Variants in SEZ6 observed in about 807,000 individuals in gnomAD.
SEZ6 encodes the protein seizure protein 6 homolog.
In SEZ6, 53 loss-of-function variants were observed where a neutral mutation model predicts 101.0. The observed-to-expected ratio is 0.52, with a 90% CI of 0.42 to 0.66. The LOEUF is 0.66. SEZ6 is among the 30% of genes least tolerant of loss of function. The pLI is 0.00. For synonymous variants in SEZ6, 488 were observed against 512.2 expected (o/e 0.95, Z 0.64); for missense variants, 1,102 against 1,289.4 (o/e 0.85, Z 2.23).
At chr17:28,956,782 G>A (rs2040885988) in intron 13 of SEZ6, 25 bp from the exon 14 acceptor site, 1 of 1,558,600 alleles carries the variant, frequency 6.4e-7, no homozygotes, top group African/African-American at 1.4e-5. Flanking sequence ...GAGGGCCAAG[G>A]GCAGTGAGTG....
Position 28,957,391 on chromosome 17 carries a change from C to G in SEZ6, c.2451G>C (p.Gln817His). Reference protein sequence around the residue: ...GSSILTCHDRQAGSPKWSDRA... With the variant: ...GSSILTCHDRHAGSPKWSDRA... ...GGTCACTCCACTTGGGGCTGCCAGC[C>G]TGGCGATCATGGCAGGTGAGGATGG... Residue 817 changes from glutamine to histidine, a missense_variant, in exon 12 of 17, where the codon CAG becomes CAC. Gln to His is a conservative substitution (Grantham distance 24). Transcript: ENST00000317338. 1.2e-6 allele frequency: 2 copies of G among 1,613,750 alleles called. No individual in the cohort carries two copies. The highest frequency in any genetic ancestry group is 1.7e-6 in the Non-Finnish European group (2 of 1,179,718).
chr17:28,995,833 T>C (rs1431184907), intron 1 of SEZ6, among the ~76,000 whole-genome samples: 1 of 151,826 alleles, frequency 6.6e-6, no homozygotes, highest in African/African-American at 2.4e-5. Context: ...TTTGGCAGAG[T>C]TGAGCTGTAG....
chr17:28,957,314 T>G lies in SEZ6; in HGVS notation c.2494+34A>C, dbSNP rs1232044241. 4 of 1,610,730 alleles carry G rather than the reference T, an allele frequency of 2.5e-6. No individual in the cohort carries two copies. In the Admixed American group the frequency reaches 6.7e-5, roughly 27 times the overall value. On this transcript the variant is annotated intron_variant, in intron 12 of 16. Coordinates refer to ENST00000317338, the MANE Select transcript of SEZ6 (RefSeq NM_178860.5). ...CAGGGCAGCATCTTTTATCTCCAGCTAGAGGTTTTCCCTCCTACTCAATTG... is the reference window on the plus strand; with the variant it reads ...CAGGGCAGCATCTTTTATCTCCAGCGAGAGGTTTTCCCTCCTACTCAATTG...
At chr17:28,967,790 G>C (rs1311575275) in intron 4 of SEZ6, among the ~76,000 whole-genome samples, 1 of 152,126 alleles carries the variant, frequency 6.6e-6, no homozygotes, top group South Asian at 2.1e-4. Context: ...AGGAGGCTGG[G>C]GGCAGACAAT....
At chr17:28,985,140 C>T (rs1457478081) in intron 1 of SEZ6, among the ~76,000 whole-genome samples, 1 of 152,224 alleles carries the variant, frequency 6.6e-6, no homozygotes, top group East Asian at 1.9e-4. Context: ...TAGGTCTTTC[C>T]ACATACCCAC....
intron 3 of SEZ6, among the ~76,000 whole-genome samples, chr17:28,971,273 C>T (rs1009787601): frequency 6.6e-6 from 1 of 152,162 alleles, no homozygotes; most frequent in Non-Finnish European, 1.5e-5. Flanking sequence ...CCAGCATCAG[C>T]AGCCTCACCT....
At position 28,981,646 on chromosome 17, in the gene SEZ6, C is replaced by T. The variant is rs376504969; in HGVS notation, c.449G>A (p.Arg150Gln). 2.6e-5 allele frequency: 41 copies of T among 1,579,166 alleles called. No individual in the cohort carries two copies. Among genetic ancestry groups the T allele is most frequent in the Non-Finnish European group, 3.4e-5 (39 of 1,158,664 alleles). The change falls in exon 2 of 17, where the codon CGA (arginine) becomes CAA (glutamine). Residue 150 changes from arginine (R) to glutamine (Q), a missense_variant. Physicochemically the swap from Arg to Gln is conservative, Grantham distance 43. Transcript: ENST00000317338. ...WSPESESPMLRITAPLPPGPS... is the reference protein window; with the variant it reads ...WSPESESPMLQITAPLPPGPS... The stretch of plus-strand genomic sequence containing the variant: ...CCCTGGAGGTAGGGGAGCTGTGATT[C>T]GAAGCATAGGGGACTCTGACTCCGG...
At position 28,959,832 on chromosome 17, in the gene SEZ6, G is replaced by A. The variant is rs1322916830; in HGVS notation, c.1637C>T (p.Thr546Ile). The A allele has an allele frequency of 3.7e-6, 6 of 1,613,716 alleles. No individual in the cohort carries two copies. The highest frequency in any genetic ancestry group is 5.1e-6 in the Non-Finnish European group (6 of 1,179,846). ...FVKYGNFSSS[T>I]PTYPVGTTVE... Reference sequence around the variant, plus strand: ...AGTGGTACCCACAGGGTAGGTGGGTGTGCTGCTGCTGAAGTTACCGTATTT... The same window carrying A: ...AGTGGTACCCACAGGGTAGGTGGGTATGCTGCTGCTGAAGTTACCGTATTT... Residue 546 changes from threonine to isoleucine, a missense_variant, in exon 8 of 17, where the codon ACA becomes ATA. Physicochemically the swap from Thr to Ile is moderately conservative, Grantham distance 89 (BLOSUM62 -1). Around this residue, in one of 3 missense-constraint regions of SEZ6, gnomAD observed 556 missense variants for 735.1 expected, o/e 0.76. Transcript: ENST00000317338. This position sits in a 1 kb window ranked among gnomAD's most constrained non-coding sequence, Gnocchi z 4.4.
chr17:28,969,895 GC>G lies in SEZ6; in HGVS notation c.915del (p.Pro306LeufsTer27). 3.9e-6 allele frequency: 6 copies of G among 1,544,062 alleles called. No individual in the cohort carries two copies. In the Admixed American group the frequency reaches 6.7e-5, roughly 17 times the overall value. On this transcript the variant is annotated frameshift_variant, in exon 4 of 17. Transcript: ENST00000317338. LOFTEE classifies it high-confidence loss of function. ...TGGTTGGCCAGGGGCAGTGGGTCAG[GC>G]CCCCCCAGGCCTTCCACAGTCACTG... ...GETVTVEGLG[G>X]PDPLPLANQS...
At chr17:28,961,487 G>A (rs946512050) in intron 5 of SEZ6, among the ~76,000 whole-genome samples, 5 of 152,144 alleles carry the variant, frequency 3.3e-5, no homozygotes, top group Admixed American at 3.3e-4. Flanking sequence ...GGTGTTCAGC[G>A]TTGGTTGAAT....
In SEZ6 at chr17:28,955,969, C is replaced by G. The variant is rs1428493108; in HGVS notation, c.2978G>C (p.Arg993Thr). 1.2e-6 allele frequency: 2 copies of G among 1,612,342 alleles called. No individual in the cohort carries two copies. Among genetic ancestry groups the G allele is most frequent in the Non-Finnish European group, 1.7e-6 (2 of 1,179,274 alleles). ...TGSLSFAGDE[R>T]I is the part of the protein sequence containing the mutation. ...CCCACCTAGATGGAGACTTCATATT[C>G]TCTCGTCTCCTGCAAAGGAAAGAGA... Residue 993 changes from arginine to threonine, a missense_variant, in exon 17 of 17, where the codon AGA (arginine) becomes ACA (threonine). Transcript: ENST00000317338.
Position 28,959,179 on chromosome 17 carries a change from C to T in SEZ6, c.1953G>A (p.Gly651=), listed in dbSNP as rs762515566. 1 of 1,613,544 alleles carries T rather than the reference C, an allele frequency of 6.2e-7. No homozygotes were observed. The highest frequency in any genetic ancestry group is 8.5e-7 in the Non-Finnish European group (1 of 1,179,696). The stretch of plus-strand genomic sequence containing the variant: ...CCAGAACCCGGGCCGTCAGGTCATC[C>T]CCATCATAGAAGGTAAGCACATCAC... The part of the protein sequence containing the change: ...GPGDVLTFYD[G]DDLTARVLGQ... Residue 651 remains glycine, a synonymous_variant, in exon 10 of 17, where the codon GGG becomes GGA. Transcript: ENST00000317338. This position sits in a 1 kb window ranked among gnomAD's most constrained non-coding sequence, Gnocchi z 4.4.
chr17:28,981,905 A>G lies in SEZ6; in HGVS notation c.190T>C (p.Leu64=), dbSNP rs2041312287. The G allele has an allele frequency of 6.2e-7, 1 of 1,613,862 alleles. No homozygotes were observed. The highest frequency in any genetic ancestry group is 2.2e-5 in the East Asian group (1 of 44,870). The change falls in exon 2 of 17, where the codon TTG becomes CTG. Residue 64 remains leucine, a synonymous_variant. Transcript: ENST00000317338. ...GVHFVTTAPT[L]KLLNHHPLLE... is the part of the protein sequence containing the mutation. ...AGCGGGTGGTGGTTGAGCAGCTTCA[A>G]GGTGGGGGCTGTTGTGACAAAGTGG...
At chr17:28,989,377 C>T (rs1052942351) in intron 1 of SEZ6, among the ~76,000 whole-genome samples, 1 of 152,118 alleles carries the variant, frequency 6.6e-6, no homozygotes, top group Admixed American at 6.6e-5. Flanking sequence ...CTTTTATTAT[C>T]CCATTTTGTA....
intron 3 of SEZ6, among the ~76,000 whole-genome samples, chr17:28,978,367 C>A (rs532334671): frequency 6.6e-6 from 1 of 152,224 alleles, no homozygotes; most frequent in Non-Finnish European, 1.5e-5. Flanking sequence ...CACTACAAGG[C>A]ACCCCTTAAG....
intron 1 of SEZ6, among the ~76,000 whole-genome samples, chr17:28,986,505 C>T (rs897072742): frequency 5.3e-5 from 8 of 152,206 alleles, no homozygotes; most frequent in Non-Finnish European, 7.3e-5. Flanking sequence ...GGTGTTATGG[C>T]CTCTGTCTTA....
intron 4 of SEZ6, 139 bp from the exon 5 acceptor site, chr17:28,964,286 A>G: frequency 2.4e-6 from 2 of 835,694 alleles, no homozygotes; most frequent in East Asian, 2.7e-5. Context: ...TTCCAAAACA[A>G]CTCCAATCTC....
intron 1 of SEZ6, among the ~76,000 whole-genome samples, chr17:28,990,970 A>ATCTCGTC (rs1309295195): frequency 3.9e-5 from 6 of 152,078 alleles, no homozygotes; most frequent in Non-Finnish European, 7.4e-5. Flanking sequence ...CAGTGGCATG[A>ATCTCGTC]TCTCGTCTCA....
chr17:28,979,740 A>G lies in SEZ6; in HGVS notation c.798T>C (p.Asp266=). 1.2e-6 allele frequency: 2 copies of G among 1,613,922 alleles called. No individual in the cohort carries two copies. Among genetic ancestry groups the G allele is most frequent in the Non-Finnish European group, 1.7e-6 (2 of 1,179,852 alleles). The change falls in exon 3 of 17, where the codon GAT becomes GAC. Residue 266 remains aspartate (D), a synonymous_variant. Transcript: ENST00000317338. ...TGTAGAAGAAGCAGTCCAGGCCAAC[A>G]TCAGTGGGGGAGCTGAGGTCTGTAG... ...DSPTDLSSPT[D]VGLDCFFYIS... is the part of the protein sequence containing the mutation.
Sources: allele counts gnomAD v4.1 joint callset (sites outside exome capture counted in the v4.1 genomes callset), GRCh38; gene constraint gnomAD v4.1.1; regional missense constraint gnomAD v4.1.1; non-coding constraint Gnocchi (gnomAD v3.1); transcripts MANE v1.5; gene names NCBI Gene and HGNC (gene_info 2026-07-23, HGNC 2026-07-21).